Variants in NLGN1 observed in about 807,000 individuals in gnomAD.
The protein encoded by NLGN1 is neuroligin-1.
A neutral mutation model predicts 65.5 loss-of-function variants in NLGN1; 12 were observed. The observed-to-expected ratio is 0.18, with a 90% CI of 0.12 to 0.30. The LOEUF (loss-of-function observed/expected upper bound fraction) is 0.30, where lower values mean the gene tolerates loss of function less well. Ranked by LOEUF, NLGN1 falls within the 10% of genes least tolerant of loss-of-function variation. The pLI is 1.00. For synonymous variants in NLGN1, 350 were observed against 359.5 expected, an observed-to-expected ratio of 0.97 and a Z score of 0.30; for missense variants, 750 against 1,007.1, an observed-to-expected ratio of 0.74 and a Z score of 3.46.
chr3:174,063,104 G>T (rs1580083730), intron 4 of NLGN1, among the ~76,000 whole-genome samples: 1 of 152,142 alleles, frequency 6.6e-6, no homozygotes, highest in East Asian at 1.9e-4. Context: ...TGATAATGTT[G>T]GATGTAAAAT....
intron 4 of NLGN1, among the ~76,000 whole-genome samples, chr3:174,044,482 A>C (rs1733076710): frequency 6.6e-6 from 1 of 152,152 alleles, no homozygotes; most frequent in Admixed American, 6.5e-5. Flanking sequence ...AAAGTTCAGC[A>C]GATCTCTAGG....
chr3:173,651,351 A>C (rs1167187014), intron 3 of NLGN1, among the ~76,000 whole-genome samples: 1 of 151,504 alleles, frequency 6.6e-6, no homozygotes, highest in Non-Finnish European at 1.5e-5. Flanking sequence ...TTACTTTTTT[A>C]TTCGCTCATC....
intron 4 of NLGN1, among the ~76,000 whole-genome samples, chr3:173,915,841 CT>C (rs140655439): frequency 0.043 from 6,517 of 151,788 alleles, 482 homozygotes; most frequent in African/African-American, 0.15. Context: ...GACCATGTAG[CT>C]TTTTTTTCAT....
chr3:173,904,459 T>C (rs1166237310), intron 4 of NLGN1, among the ~76,000 whole-genome samples: 1 of 151,960 alleles, frequency 6.6e-6, no homozygotes, highest in Non-Finnish European at 1.5e-5. Flanking sequence ...TTTTCTTCCT[T>C]TTTTTTCTCC....
At chr3:174,294,065 A>C in the NLGN1 span, among the ~76,000 whole-genome samples, 3 of 151,730 alleles carry the variant, frequency 2.0e-5, no homozygotes, top group African/African-American at 7.2e-5. Flanking sequence ...TTGATTTAAA[A>C]AGATGTTATT....
chr3:173,419,219 ACATGAGTATAC>A (rs1158110689), intron 1 of NLGN1, among the ~76,000 whole-genome samples: 2 of 151,496 alleles, frequency 1.3e-5, no homozygotes, highest in Non-Finnish European at 2.9e-5. Context: ...CAGACAAAGT[ACATGAGTATAC>A]ATTGGTTTTA....
At chr3:173,611,895 T>C (rs1021123111) in intron 3 of NLGN1, among the ~76,000 whole-genome samples, 2 of 152,028 alleles carry the variant, frequency 1.3e-5, no homozygotes, top group South Asian at 4.1e-4. Flanking sequence ...AGAAAATAAA[T>C]TCTTGGTAAA....
intron 2 of NLGN1, among the ~76,000 whole-genome samples, chr3:173,499,357 A>G (rs1232608416): frequency 4.6e-5 from 7 of 151,710 alleles, no homozygotes; most frequent in African/African-American, 1.5e-4. Context: ...CAAAGATCAG[A>G]TAGTTGTAGA....
At chr3:174,172,225 A>G (rs1182598010) in intron 4 of NLGN1, among the ~76,000 whole-genome samples, 2 of 152,132 alleles carry the variant, frequency 1.3e-5, no homozygotes, top group African/African-American at 4.8e-5. Context: ...ATAGGCGTGC[A>G]GTGCATAATA....
intron 3 of NLGN1, among the ~76,000 whole-genome samples, chr3:173,624,095 C>G (rs971521351): frequency 6.6e-6 from 1 of 152,064 alleles, no homozygotes; most frequent in Non-Finnish European, 1.5e-5. Context: ...AGTTCTTGAC[C>G]CAAGGCTTCC....
At chr3:173,644,655 C>G (rs1195201011) in intron 3 of NLGN1, 1 of 155,170 alleles carries the variant, frequency 6.4e-6, no homozygotes, top group Admixed American at 6.5e-5. Context: ...TTCAGTGACA[C>G]CCAGCCTGGG....
chr3:173,686,708 A>T (rs1251084930), intron 3 of NLGN1, among the ~76,000 whole-genome samples: 1 of 152,136 alleles, frequency 6.6e-6, no homozygotes, highest in African/African-American at 2.4e-5. Context: ...TAATCCCAGC[A>T]CTTTGGGAGG....
At chr3:173,942,109 GGTGTGTGT>G (rs1050946666) in intron 4 of NLGN1, among the ~76,000 whole-genome samples, 17 of 144,068 alleles carry the variant, frequency 1.2e-4, no homozygotes, top group East Asian at 6.2e-4. Flanking sequence ...GGTGGTTGGG[GGTGTGTGT>G]GTGTGTGTGT....
At chr3:174,019,623 A>G (rs1225922104) in intron 4 of NLGN1, among the ~76,000 whole-genome samples, 1 of 152,184 alleles carries the variant, frequency 6.6e-6, no homozygotes, top group Non-Finnish European at 1.5e-5. Context: ...ACAGGTAGAG[A>G]GAAAGACACC....
intron 3 of NLGN1, among the ~76,000 whole-genome samples, chr3:173,765,602 A>G (rs935685592): frequency 1.3e-5 from 2 of 151,986 alleles, no homozygotes; most frequent in Non-Finnish European, 2.9e-5. Context: ...AATGTTATAC[A>G]CTCTCTTAAA....
chr3:173,672,048 C>A (rs1039995940), intron 3 of NLGN1, among the ~76,000 whole-genome samples: 2 of 152,064 alleles, frequency 1.3e-5, no homozygotes, highest in Admixed American at 1.3e-4. Flanking sequence ...GTGGCAGATG[C>A]CTGTAGTCCC....
chr3:173,870,118 GACA>G (rs1472973882), intron 4 of NLGN1, among the ~76,000 whole-genome samples: 2 of 152,110 alleles, frequency 1.3e-5, no homozygotes, highest in Non-Finnish European at 2.9e-5. Flanking sequence ...GGTTTTAATA[GACA>G]TCCTTACTTT....
intron 4 of NLGN1, among the ~76,000 whole-genome samples, chr3:174,235,084 A>T (rs1199720799): frequency 2.0e-5 from 3 of 146,696 alleles, no homozygotes; most frequent in Non-Finnish European, 1.5e-5. Flanking sequence ...TCAAACCAAC[A>T]TGTGGAGCAT....
intron 3 of NLGN1, among the ~76,000 whole-genome samples, chr3:173,702,052 A>G (rs1767257366): frequency 6.6e-6 from 1 of 151,930 alleles, no homozygotes; most frequent in African/African-American, 2.4e-5. Flanking sequence ...ATCCCGGCTA[A>G]AACGGTGAAA....
Sources: allele counts gnomAD v4.1 joint callset (sites outside exome capture counted in the v4.1 genomes callset), GRCh38; gene constraint gnomAD v4.1.1; transcripts MANE v1.5; gene names NCBI Gene and HGNC (gene_info 2026-07-23, HGNC 2026-07-21).